Variants in ADGRL3 observed in about 807,000 individuals in gnomAD.
ADGRL3 encodes calcium-independent alpha-latrotoxin receptor 3.
Under a neutral mutation model 153.5 loss-of-function variants are expected in ADGRL3, and 62 were observed. That is an observed-to-expected ratio of 0.40 (90% CI 0.33 to 0.50). The LOEUF is 0.50. Among genes scored for constraint, ADGRL3 ranks in the 20% least tolerant of loss-of-function variants. The pLI, the probability that ADGRL3 is intolerant of heterozygous loss-of-function variation, is 0.47. For missense variants in ADGRL3, 1,641 were observed against 1,859.4 expected, an observed-to-expected ratio of 0.88 and a Z score of 2.16; for synonymous variants, 710 against 672.5, an observed-to-expected ratio of 1.06 and a Z score of -0.86.
chr4:61,231,388 A>T (rs1016990571), intron 1 of ADGRL3, among the ~76,000 whole-genome samples: 1 of 152,146 alleles, frequency 6.6e-6, no homozygotes, highest in African/African-American at 2.4e-5. Flanking sequence ...GAAGAGACCA[A>T]CAGCTGACTA....
chr4:61,498,537 G>T (rs2098346742), intron 3 of ADGRL3, among the ~76,000 whole-genome samples: 1 of 151,782 alleles, frequency 6.6e-6, no homozygotes, highest in Non-Finnish European at 1.5e-5. Flanking sequence ...GTGACAGAAC[G>T]AGACTCTGTC....
At chr4:61,531,973 A>G (rs910931531) in intron 4 of ADGRL3, among the ~76,000 whole-genome samples, 7 of 152,222 alleles carry the variant, frequency 4.6e-5, no homozygotes, top group Admixed American at 4.6e-4. Flanking sequence ...CATGCATATA[A>G]AATAAGGAAA....
intron 4 of ADGRL3, among the ~76,000 whole-genome samples, chr4:61,537,621 T>A (rs1227588886): frequency 6.6e-6 from 1 of 152,178 alleles, no homozygotes; most frequent in Non-Finnish European, 1.5e-5. Context: ...GGCTCCAATG[T>A]CTGAAATTCT....
chr4:61,761,358 A>G (rs1322197379), intron 8 of ADGRL3, among the ~76,000 whole-genome samples: 2 of 152,206 alleles, frequency 1.3e-5, no homozygotes, highest in Admixed American at 6.5e-5. Flanking sequence ...TATGCCCAGG[A>G]AGGAACAAGG....
intron 15 of ADGRL3, among the ~76,000 whole-genome samples, chr4:61,941,287 C>G (rs1455211893): frequency 7.7e-6 from 1 of 130,536 alleles, no homozygotes; most frequent in Non-Finnish European, 1.6e-5. Flanking sequence ...TTCCATTGAT[C>G]TATATCTCTG....
chr4:61,434,396 T>A (rs2152432834), intron 2 of ADGRL3, among the ~76,000 whole-genome samples: 1 of 152,228 alleles, frequency 6.6e-6, no homozygotes, highest in East Asian at 1.9e-4. Context: ...ACAGGGTGAC[T>A]CACACTATGG....
At chr4:61,970,204 T>C (rs2099021918) in intron 17 of ADGRL3, among the ~76,000 whole-genome samples, 1 of 152,152 alleles carries the variant, frequency 6.6e-6, no homozygotes, top group Non-Finnish European at 1.5e-5. Flanking sequence ...ATAAATAAGC[T>C]CTTCTAATAG....
At chr4:61,698,659 T>C (rs1421949266) in intron 6 of ADGRL3, among the ~76,000 whole-genome samples, 1 of 152,178 alleles carries the variant, frequency 6.6e-6, no homozygotes, top group African/African-American at 2.4e-5. Flanking sequence ...GTGTTAGTAA[T>C]TTGTGAGTTT....
At chr4:61,744,610 G>A (rs2096629259) in intron 8 of ADGRL3, among the ~76,000 whole-genome samples, 1 of 152,198 alleles carries the variant, frequency 6.6e-6, no homozygotes, top group Non-Finnish European at 1.5e-5. Flanking sequence ...AACAGGGTCT[G>A]GAGTGGACTT....
chr4:61,575,579 A>G (rs1324160376), intron 4 of ADGRL3, among the ~76,000 whole-genome samples: 3 of 151,968 alleles, frequency 2.0e-5, no homozygotes. Context: ...TGTGAATTTC[A>G]TAAACTGATG....
intron 2 of ADGRL3, among the ~76,000 whole-genome samples, chr4:61,405,956 C>A (rs1191965095): frequency 6.6e-6 from 1 of 151,850 alleles, no homozygotes; most frequent in East Asian, 1.9e-4. Context: ...TTATTCAGTT[C>A]AGCAAAATAT....
In ADGRL3 at chr4:62,047,013, A is replaced by G. The variant is rs535881057; in HGVS notation, c.3814+2464A>G. On this transcript the variant is annotated intron_variant, in intron 25 of 26. Coordinates refer to ENST00000683033, the MANE Select transcript of ADGRL3 (RefSeq NM_001387552.1). ...CGAAGATTCATCTTTTCAGATAAAC[A>G]GTCACCTAAGCAACATAATTATTCA... Among the ~76,000 whole-genome samples, 4 of 152,036 alleles carry G rather than the reference A, an allele frequency of 2.6e-5. No homozygotes were observed. In the East Asian group the frequency reaches 5.8e-4, roughly 22 times the overall value.
intron 2 of ADGRL3, among the ~76,000 whole-genome samples, chr4:61,406,552 T>TA (rs2096999705): frequency 6.6e-6 from 1 of 151,848 alleles, no homozygotes. Flanking sequence ...TGCATTTTAA[T>TA]AAAAAACTAA....
At chr4:61,350,800 TC>T (rs1265064366) in intron 1 of ADGRL3, among the ~76,000 whole-genome samples, 1 of 152,096 alleles carries the variant, frequency 6.6e-6, no homozygotes, top group Non-Finnish European at 1.5e-5. Context: ...TCCTGGCTGC[TC>T]CTTGAGCCGG....
intron 21 of ADGRL3, among the ~76,000 whole-genome samples, chr4:62,016,707 G>T (rs951321506): frequency 6.6e-6 from 1 of 151,980 alleles, no homozygotes; most frequent in African/African-American, 2.4e-5. Context: ...TTCAGAATCA[G>T]TTGTTAAAAT....
At chr4:61,766,494 C>G (rs2152265218) in intron 8 of ADGRL3, among the ~76,000 whole-genome samples, 2 of 152,124 alleles carry the variant, frequency 1.3e-5, no homozygotes, top group Admixed American at 1.3e-4. Context: ...GCTAACCATG[C>G]CTAGGAAGGA....
At chr4:61,885,430 A>G (rs1708260560) in intron 9 of ADGRL3, among the ~76,000 whole-genome samples, 2 of 152,204 alleles carry the variant, frequency 1.3e-5, no homozygotes, top group Admixed American at 6.5e-5. Context: ...TTGGAGAATT[A>G]CTGAATCTCT....
chr4:61,645,057 T>C (rs1016681383), intron 5 of ADGRL3, among the ~76,000 whole-genome samples: 30 of 152,278 alleles, frequency 2.0e-4, no homozygotes, highest in African/African-American at 6.5e-4. Flanking sequence ...TTTGTCTCTT[T>C]TGATCTTTGT....
intron 2 of ADGRL3, among the ~76,000 whole-genome samples, chr4:61,406,197 A>C (rs867614613): frequency 7.2e-5 from 11 of 151,832 alleles, no homozygotes; most frequent in Non-Finnish European, 7.4e-5. Flanking sequence ...AAAAAAAAAA[A>C]TTGTGGAATA....
Sources: gnomAD v4.1 joint callset for allele counts (sites outside exome capture counted in the v4.1 genomes callset) on GRCh38, gnomAD v4.1.1 for gene constraint, MANE v1.5 for transcripts, NCBI Gene and HGNC (gene_info 2026-07-23, HGNC 2026-07-21) for gene names.